Variants in SND1 observed in about 807,000 individuals in gnomAD.
SND1 encodes the protein staphylococcal nuclease domain-containing protein 1.
Under a neutral mutation model 121.7 loss-of-function variants are expected in SND1, and 38 were observed. The ratio of observed to expected loss-of-function variants is 0.31; its 90% CI spans 0.24 to 0.41. The LOEUF is 0.41. Ranked by LOEUF, SND1 falls within the 10% of genes least tolerant of loss-of-function variation. SND1 has a pLI of 1.00. For missense variants in SND1, 868 were observed against 1,184.6 expected, an observed-to-expected ratio of 0.73 and a Z score of 3.92; for synonymous variants, 401 against 447.4, an observed-to-expected ratio of 0.90 and a Z score of 1.31.
At chr7:127,940,451 C>T (rs777569375) in intron 15 of SND1, among the ~76,000 whole-genome samples, 16 of 152,060 alleles carry the variant, frequency 1.1e-4, no homozygotes, top group Admixed American at 2.6e-4. Flanking sequence ...ATGGCAGGAC[C>T]TGGATGCAGG....
At chr7:127,800,636 T>C (rs539567887) in intron 10 of SND1, among the ~76,000 whole-genome samples, 1 of 152,338 alleles carries the variant, frequency 6.6e-6, no homozygotes, top group South Asian at 2.1e-4. Flanking sequence ...AAAAGAAATA[T>C]AAGTTTATAG....
At chr7:127,866,255 A>G (rs1342682329) in intron 12 of SND1, among the ~76,000 whole-genome samples, 6 of 152,172 alleles carry the variant, frequency 3.9e-5, no homozygotes, top group African/African-American at 1.4e-4. Flanking sequence ...ATGTATCACC[A>G]CTTGTACAGG....
intron 1 of SND1, among the ~76,000 whole-genome samples, chr7:127,665,771 A>G (rs1255082580): frequency 6.6e-6 from 1 of 152,156 alleles, no homozygotes; most frequent in Non-Finnish European, 1.5e-5. Flanking sequence ...GGAGAGCGGG[A>G]ATTACTGTTT....
intron 10 of SND1, among the ~76,000 whole-genome samples, chr7:127,736,188 C>T (rs116511215): frequency 1.3e-3 from 199 of 152,326 alleles, no homozygotes; most frequent in African/African-American, 4.5e-3. Flanking sequence ...CTGCTTTCAT[C>T]TTCTCTGCCC....
At chr7:127,901,828 C>A (rs1046142521) in intron 13 of SND1, among the ~76,000 whole-genome samples, 1 of 152,064 alleles carries the variant, frequency 6.6e-6, no homozygotes, top group African/African-American at 2.4e-5. Context: ...TGTCTTTGAA[C>A]GTTTTCCCAA....
chr7:128,033,623 G>A (rs1051766621), intron 16 of SND1, among the ~76,000 whole-genome samples: 1 of 152,188 alleles, frequency 6.6e-6, no homozygotes, highest in African/African-American at 2.4e-5. Context: ...TCCTTTGTAG[G>A]CAAGTTGGAG....
intron 1 of SND1, among the ~76,000 whole-genome samples, chr7:127,680,256 A>G (rs1232423708): frequency 1.3e-5 from 2 of 152,222 alleles, no homozygotes; most frequent in African/African-American, 4.8e-5. Context: ...TCACAGGACC[A>G]CAGGACTGGG....
chr7:127,974,025 C>T lies in SND1; in HGVS notation c.1670-16922C>T, dbSNP rs546228031. On this transcript the variant is annotated intron_variant, in intron 15 of 23. Coordinates refer to ENST00000354725, the MANE Select transcript of SND1 (RefSeq NM_014390.4). ...GTCTCAGTAGCAGCAGACAGTACTGCCTCTCTGGGAGTGCTACTGTCTTCC... is the reference window on the plus strand; with the variant it reads ...GTCTCAGTAGCAGCAGACAGTACTGTCTCTCTGGGAGTGCTACTGTCTTCC... 2.9e-4 allele frequency among the ~76,000 whole-genome samples: 44 copies of T among 152,298 alleles called. 1 individual carries two copies. The South Asian group carries it at 8.5e-3, about 29-fold the overall frequency.
At chr7:127,845,176 G>C (rs1044015508) in intron 12 of SND1, among the ~76,000 whole-genome samples, 9 of 152,224 alleles carry the variant, frequency 5.9e-5, no homozygotes, top group Admixed American at 5.2e-4. Context: ...TCAAAACAAG[G>C]ATTGTGTTAC....
At chr7:127,718,864 A>C (rs1796439242) in intron 9 of SND1, 1 of 535,550 alleles carries the variant, frequency 1.9e-6, no homozygotes. Context: ...GAATTTCCTT[A>C]TGTTTTTGGG....
intron 13 of SND1, among the ~76,000 whole-genome samples, chr7:127,889,202 C>T (rs1799964402): frequency 1.3e-5 from 2 of 152,008 alleles, no homozygotes; most frequent in Non-Finnish European, 2.9e-5. Flanking sequence ...CATTAATGGT[C>T]ATTTAAAATA....
chr7:127,819,744 C>T (rs1798513802), intron 11 of SND1, among the ~76,000 whole-genome samples: 2 of 152,138 alleles, frequency 1.3e-5, no homozygotes, highest in African/African-American at 4.8e-5. Context: ...AGATTTGTTG[C>T]CCGGTTTTGC....
intron 8 of SND1, 118 bp from the exon 9 acceptor site, chr7:127,707,439 C>G (rs758549138): frequency 2.2e-5 from 15 of 683,140 alleles, no homozygotes; most frequent in Non-Finnish European, 3.8e-5. Flanking sequence ...GACTGGTAGT[C>G]TTTCTTCTGG....
At chr7:127,851,214 T>G (rs1799160260) in intron 12 of SND1, among the ~76,000 whole-genome samples, 1 of 152,212 alleles carries the variant, frequency 6.6e-6, no homozygotes, top group Admixed American at 6.5e-5. Context: ...CCCTTTTTGC[T>G]TTTTATACTG....
chr7:127,814,466 T>C (rs888817823), intron 11 of SND1, among the ~76,000 whole-genome samples: 1 of 152,168 alleles, frequency 6.6e-6, no homozygotes, highest in Non-Finnish European at 1.5e-5. Context: ...TATCTTATGT[T>C]GTAGACGAGT....
chr7:128,033,842 G>T (rs574057799), intron 16 of SND1, among the ~76,000 whole-genome samples: 2 of 152,318 alleles, frequency 1.3e-5, no homozygotes, highest in Non-Finnish European at 2.9e-5. Flanking sequence ...GTGTGGAAGT[G>T]ATTCCCCAAA....
At chr7:127,881,221 T>TC (rs906941762) in intron 12 of SND1, among the ~76,000 whole-genome samples, 1 of 152,042 alleles carries the variant, frequency 6.6e-6, no homozygotes, top group Non-Finnish European at 1.5e-5. Context: ...ATTACCACAT[T>TC]CCCCATCTCA....
At chr7:128,080,607 C>T (rs1220259219) in intron 17 of SND1, among the ~76,000 whole-genome samples, 5 of 152,058 alleles carry the variant, frequency 3.3e-5, no homozygotes, top group East Asian at 1.9e-4. Flanking sequence ...CAGAGTGCCA[C>T]GGGGAAGGGA....
At chr7:128,012,966 CCT>C (rs1366691307) in intron 16 of SND1, among the ~76,000 whole-genome samples, 1 of 152,196 alleles carries the variant, frequency 6.6e-6, no homozygotes, top group African/African-American at 2.4e-5. Flanking sequence ...CCCCTGGACC[CCT>C]GAGACAGCCC....
Sources: allele counts gnomAD v4.1 joint callset (sites outside exome capture counted in the v4.1 genomes callset), GRCh38; gene constraint gnomAD v4.1.1; transcripts MANE v1.5; gene names NCBI Gene and HGNC (gene_info 2026-07-23, HGNC 2026-07-21).